Variants in GNPTAB observed in about 807,000 individuals in gnomAD.
The protein encoded by GNPTAB is N-acetylglucosamine-1-phosphate transferase subunits alpha and beta, also known as N-acetylglucosamine-1-phosphotransferase subunits alpha/beta.
A neutral mutation model predicts 136.6 loss-of-function variants in GNPTAB; 92 were observed. The observed-to-expected ratio is 0.67, with a 90% confidence interval of 0.57 to 0.80. The LOEUF (loss-of-function observed/expected upper bound fraction) is 0.80, where lower values mean the gene tolerates loss of function less well. Ranked by LOEUF, GNPTAB falls within the 30% of genes least tolerant of loss-of-function variation. The pLI, the probability that GNPTAB is intolerant of heterozygous loss-of-function variation, is 0.00. For synonymous variants in GNPTAB, 512 were observed against 535.1 expected (o/e 0.96, Z 0.60); for missense variants, 1,343 against 1,501.8 (o/e 0.89, Z 1.75).
intron 1 of GNPTAB, among the ~76,000 whole-genome samples, chr12:101,798,928 G>C (rs142971195): frequency 4.7e-4 from 72 of 152,306 alleles, no homozygotes; most frequent in Non-Finnish European, 2.1e-4. Context: ...CCAAGAAGCA[G>C]AGGAAAGTCA....
At chr12:101,784,049 G>A (rs556116149) in intron 5 of GNPTAB, among the ~76,000 whole-genome samples, 2 of 152,216 alleles carry the variant, frequency 1.3e-5, no homozygotes, top group South Asian at 4.2e-4. Flanking sequence ...AAGTATCAGG[G>A]AGCGAGCACT....
At chr12:101,819,381 T>G (rs190755659) in intron 1 of GNPTAB, among the ~76,000 whole-genome samples, 1 of 152,230 alleles carries the variant, frequency 6.6e-6, no homozygotes, top group South Asian at 2.1e-4. Context: ...AATGGACTAA[T>G]ACACTGGCCC....
chr12:101,811,211 C>T lies in GNPTAB; in HGVS notation c.118-14449G>A, dbSNP rs73394433. On this transcript the variant is annotated intron_variant, in intron 1 of 20. Coordinates refer to ENST00000299314, the MANE Select transcript of GNPTAB (RefSeq NM_024312.5). Reference sequence around the variant, plus strand: ...ACTGGAAATCTTTCTCCGTAAAAGACGAAATAGTAACATCTTAGACTTTGC... The same window carrying T: ...ACTGGAAATCTTTCTCCGTAAAAGATGAAATAGTAACATCTTAGACTTTGC... Among the ~76,000 whole-genome samples the T allele has an allele frequency of 6.7e-3, 1,024 of 152,186 alleles. 11 individuals carry two copies. The highest frequency in any genetic ancestry group is 0.023 in the African/African-American group (969 of 41,504).
At chr12:101,820,820 G>C (rs950893555) in intron 1 of GNPTAB, among the ~76,000 whole-genome samples, 1 of 152,170 alleles carries the variant, frequency 6.6e-6, no homozygotes, top group Admixed American at 6.5e-5. Flanking sequence ...CACTTTGGGA[G>C]GCCGAGGTGG....
intron 1 of GNPTAB, among the ~76,000 whole-genome samples, chr12:101,802,924 C>T (rs1362437676): frequency 1.3e-5 from 2 of 152,124 alleles, no homozygotes; most frequent in Non-Finnish European, 2.9e-5. Flanking sequence ...TGGAGACTCC[C>T]GGACATAACA....
chr12:101,752,067 A>G (rs995244559), intron 19 of GNPTAB, among the ~76,000 whole-genome samples: 4 of 152,040 alleles, frequency 2.6e-5, no homozygotes, highest in African/African-American at 9.7e-5. Flanking sequence ...TAAACACGCA[A>G]TATTGCTAGT....
chr12:101,762,677 A>C (rs1953017989), intron 13 of GNPTAB, among the ~76,000 whole-genome samples: 1 of 152,166 alleles, frequency 6.6e-6, no homozygotes, highest in African/African-American at 2.4e-5. Context: ...ACTGCAGGGA[A>C]ATATATGTAA....
At position 101,830,793 on chromosome 12, in the gene GNPTAB, T is replaced by C. The variant is rs953313879; in HGVS notation, c.-118A>G. 6.6e-6 allele frequency: 3 copies of C among 452,594 alleles called. No individual in the cohort carries two copies. Among genetic ancestry groups the C allele is most frequent in the African/African-American group, 2.2e-5 (1 of 45,966 alleles). 28.0% of individuals were successfully genotyped at this position (452,594 alleles called of 1,614,324 possible). On this transcript the variant is annotated 5_prime_UTR_variant, in exon 1 of 21. Coordinates refer to ENST00000299314, the MANE Select transcript of GNPTAB (RefSeq NM_024312.5). Reference sequence around the variant, plus strand: ...GGGCCGCCGCGCGCAGGTCACAGCCTCCGGGCGCCGCTCATTGCAGCTCCG... The same window carrying C: ...GGGCCGCCGCGCGCAGGTCACAGCCCCCGGGCGCCGCTCATTGCAGCTCCG...
At chr12:101,791,110 A>G (rs1868962426) in intron 2 of GNPTAB, among the ~76,000 whole-genome samples, 1 of 152,224 alleles carries the variant, frequency 6.6e-6, no homozygotes. Context: ...ACCTTCCTGA[A>G]CTTGCACCAT....
intron 1 of GNPTAB, among the ~76,000 whole-genome samples, chr12:101,802,056 C>T (rs985391574): frequency 1.5e-4 from 22 of 151,572 alleles, no homozygotes; most frequent in African/African-American, 5.3e-4. Flanking sequence ...AATCAATTCG[C>T]CGGGCATGGT....
chr12:101,829,612 G>A (rs1215822274), intron 1 of GNPTAB, among the ~76,000 whole-genome samples: 1 of 151,994 alleles, frequency 6.6e-6, no homozygotes, highest in Non-Finnish European at 1.5e-5. Flanking sequence ...AAAGCAATAA[G>A]GCACCTAACT....
chr12:101,808,116 T>C (rs1870027746), intron 1 of GNPTAB, among the ~76,000 whole-genome samples: 1 of 152,078 alleles, frequency 6.6e-6, no homozygotes, highest in South Asian at 2.1e-4. Flanking sequence ...ATGGAAACAA[T>C]CAAAGAAGAT....
intron 1 of GNPTAB, among the ~76,000 whole-genome samples, chr12:101,812,246 C>G (rs1870277459): frequency 6.6e-6 from 1 of 152,092 alleles, no homozygotes; most frequent in Non-Finnish European, 1.5e-5. Flanking sequence ...GAGACCCTGT[C>G]TCAAAACAAA....
At chr12:101,807,064 A>T (rs1869967921) in intron 1 of GNPTAB, among the ~76,000 whole-genome samples, 1 of 152,226 alleles carries the variant, frequency 6.6e-6, no homozygotes, top group African/African-American at 2.4e-5. Context: ...CCAACAATAT[A>T]TAAAAAGAAT....
intron 19 of GNPTAB, among the ~76,000 whole-genome samples, chr12:101,751,190 T>C (rs921764618): frequency 6.6e-6 from 1 of 152,258 alleles, no homozygotes; most frequent in East Asian, 1.9e-4. Context: ...CTTACACCTC[T>C]GTGCCTTTGC....
chr12:101,749,462 C>G (rs1952784463), intron 19 of GNPTAB, among the ~76,000 whole-genome samples: 3 of 152,124 alleles, frequency 2.0e-5, no homozygotes, highest in Admixed American at 2.0e-4. Context: ...TAAACAAAAC[C>G]ACTCTTTCAT....
At chr12:101,768,218 T>C in intron 10 of GNPTAB, 58 bp from the exon 11 acceptor site, 2 of 1,580,078 alleles carry the variant, frequency 1.3e-6, no homozygotes, top group East Asian at 4.5e-5. Flanking sequence ...CATTTTATTC[T>C]TGAGTTAAGA....
intron 7 of GNPTAB, among the ~76,000 whole-genome samples, chr12:101,774,540 T>A (rs949963483): frequency 1.1e-4 from 16 of 152,206 alleles, no homozygotes; most frequent in African/African-American, 4.8e-5. Flanking sequence ...ACAGGGATGA[T>A]AAAACAATCC....
intron 5 of GNPTAB, among the ~76,000 whole-genome samples, chr12:101,782,466 G>A (rs1868397052): frequency 6.6e-6 from 1 of 152,104 alleles, no homozygotes; most frequent in African/African-American, 2.4e-5. Context: ...GAGTCATTAG[G>A]AAACCCTGTT....
Sources: allele counts gnomAD v4.1 joint callset (sites outside exome capture counted in the v4.1 genomes callset), GRCh38; gene constraint gnomAD v4.1.1; transcripts MANE v1.5; gene names NCBI Gene and HGNC (gene_info 2026-07-23, HGNC 2026-07-21).